GPM6A: variants seen among roughly 807,000 people sequenced by gnomAD.
The protein encoded by GPM6A is glycoprotein M6A.
In GPM6A, 7 loss-of-function variants were observed where a neutral mutation model predicts 32.1. The ratio of observed to expected loss-of-function variants is 0.22; its 90% CI spans 0.12 to 0.41. GPM6A has a LOEUF of 0.41. Ranked by LOEUF, GPM6A falls within the 10% of genes least tolerant of loss-of-function variation. The pLI, the probability that GPM6A is intolerant of heterozygous loss-of-function variation, is 1.00. For missense variants in GPM6A, 235 were observed against 347.2 expected (o/e 0.68, Z 2.57); for synonymous variants, 130 against 123.4 (o/e 1.05, Z -0.35).
intron 4 of GPM6A, chr4:175,641,587 A>G (rs1741146867): frequency 6.6e-6 from 1 of 152,204 alleles, no homozygotes; most frequent in Non-Finnish European, 1.5e-5. Context: ...GAAGTGCTAA[A>G]CACATACAGG....
At chr4:175,734,828 G>A (rs2111151906) in intron 1 of GPM6A, among the ~76,000 whole-genome samples, 1 of 152,140 alleles carries the variant, frequency 6.6e-6, no homozygotes, top group African/African-American at 2.4e-5. Flanking sequence ...AGCCGAGATT[G>A]AGCCATTGCA....
intron 1 of GPM6A, among the ~76,000 whole-genome samples, chr4:175,982,892 G>A (rs1740859313): frequency 6.6e-6 from 1 of 151,822 alleles, no homozygotes; most frequent in Non-Finnish European, 1.5e-5. Context: ...TTAGGTCTTT[G>A]TTTTCTTTCA....
chr4:175,995,147 A>T (rs1476849165), intron 1 of GPM6A, among the ~76,000 whole-genome samples: 1 of 152,170 alleles, frequency 6.6e-6, no homozygotes. Flanking sequence ...TGAAGACTGG[A>T]ATCAATCTAT....
intron 1 of GPM6A, among the ~76,000 whole-genome samples, chr4:175,875,839 T>C (rs1737068255): frequency 6.6e-6 from 1 of 152,192 alleles, no homozygotes; most frequent in Non-Finnish European, 1.5e-5. Context: ...TTACTTTTGT[T>C]ATTAAGTGCA....
intron 1 of GPM6A, among the ~76,000 whole-genome samples, chr4:175,957,101 G>A (rs757356324): frequency 5.9e-5 from 9 of 152,054 alleles, no homozygotes; most frequent in South Asian, 2.1e-4. Flanking sequence ...TTAGTTTTTC[G>A]GAATGTGCAC....
intron 1 of GPM6A, among the ~76,000 whole-genome samples, chr4:175,747,629 C>G (rs1363462123): frequency 1.3e-5 from 2 of 152,094 alleles, no homozygotes; most frequent in Admixed American, 6.6e-5. Flanking sequence ...ATTTAAAAAT[C>G]CTTCCTAAAA....
At chr4:175,853,056 A>G (rs1334410922) in intron 1 of GPM6A, among the ~76,000 whole-genome samples, 1 of 152,126 alleles carries the variant, frequency 6.6e-6, no homozygotes, top group Non-Finnish European at 1.5e-5. Flanking sequence ...AGGGAACTTG[A>G]ATCCCACAAA....
intron 1 of GPM6A, among the ~76,000 whole-genome samples, chr4:175,994,747 T>C (rs764266068): frequency 6.6e-5 from 10 of 152,212 alleles, no homozygotes; most frequent in Admixed American, 2.0e-4. Context: ...TAAGGCAATA[T>C]AATTGCTGCA....
intron 1 of GPM6A, among the ~76,000 whole-genome samples, chr4:175,911,363 G>GTTT (rs1560990256): frequency 6.6e-6 from 1 of 152,078 alleles, no homozygotes; most frequent in Non-Finnish European, 1.5e-5. Flanking sequence ...CCTAAACATT[G>GTTT]GCAAGAGGTT....
chr4:175,860,829 T>C (rs1300993918), intron 1 of GPM6A, among the ~76,000 whole-genome samples: 2 of 152,204 alleles, frequency 1.3e-5, no homozygotes, highest in African/African-American at 2.4e-5. Context: ...TGGCTATTTT[T>C]TGGCCATGAG....
intron 1 of GPM6A, among the ~76,000 whole-genome samples, chr4:175,987,552 G>GTGTA (rs1408068205): frequency 6.6e-6 from 1 of 150,814 alleles, no homozygotes; most frequent in Non-Finnish European, 1.5e-5. Flanking sequence ...GTGTGTGTGT[G>GTGTA]TTTGTCTTTA....
intron 1 of GPM6A, among the ~76,000 whole-genome samples, chr4:175,993,380 T>A (rs1466113707): frequency 1.3e-5 from 2 of 152,150 alleles, no homozygotes; most frequent in Admixed American, 1.3e-4. Context: ...ACTCTTTTTT[T>A]TTCTTTGATT....
intron 1 of GPM6A, among the ~76,000 whole-genome samples, chr4:175,703,378 G>T (rs917414660): frequency 6.6e-6 from 1 of 152,104 alleles, no homozygotes; most frequent in African/African-American, 2.4e-5. Flanking sequence ...TGCCATGTTG[G>T]CCAGGCTGAT....
intron 1 of GPM6A, among the ~76,000 whole-genome samples, chr4:175,765,779 T>C (rs1003452524): frequency 2.6e-5 from 4 of 152,188 alleles, no homozygotes; most frequent in Admixed American, 2.0e-4. Flanking sequence ...CCAAATTCAC[T>C]TCCTGGCTCT....
chr4:175,828,252 G>A (rs1408853244), intron 1 of GPM6A, among the ~76,000 whole-genome samples: 1 of 152,102 alleles, frequency 6.6e-6, no homozygotes, highest in East Asian at 1.9e-4. Flanking sequence ...TTATTAGTCA[G>A]GGTAGAAGGC....
intron 1 of GPM6A, among the ~76,000 whole-genome samples, chr4:175,861,323 TA>T (rs926496829): frequency 1.1e-4 from 16 of 150,960 alleles, no homozygotes; most frequent in Non-Finnish European, 1.8e-4. Flanking sequence ...ATAAAAAGGA[TA>T]AAAATATAAA....
At chr4:175,970,669 A>C (rs1740473731) in intron 1 of GPM6A, among the ~76,000 whole-genome samples, 1 of 152,220 alleles carries the variant, frequency 6.6e-6, no homozygotes, top group African/African-American at 2.4e-5. Context: ...CGAGTGAAAA[A>C]AGGAAAAGGG....
At chr4:175,765,181 T>C (rs1357428211) in intron 1 of GPM6A, among the ~76,000 whole-genome samples, 1 of 152,062 alleles carries the variant, frequency 6.6e-6, no homozygotes, top group Admixed American at 6.6e-5. Flanking sequence ...GGCTGCCTGG[T>C]AGCCATTCTT....
chr4:175,697,064 AT>A (rs1441135133), intron 2 of GPM6A, among the ~76,000 whole-genome samples: 1 of 152,178 alleles, frequency 6.6e-6, no homozygotes. Context: ...TAAAAAATTA[AT>A]AAAATTTTGA....
Sources: allele counts gnomAD v4.1 joint callset (sites outside exome capture counted in the v4.1 genomes callset), GRCh38; gene constraint gnomAD v4.1.1; transcripts MANE v1.5; gene names NCBI Gene and HGNC (gene_info 2026-07-23, HGNC 2026-07-21).